The following GALNT13 variants were observed in gnomAD, a reference collection of about 807,000 sequenced individuals.
GALNT13 encodes the protein polypeptide N-acetylgalactosaminyltransferase 13.
A neutral mutation model predicts 64.2 loss-of-function variants in GALNT13; 28 were observed. The ratio of observed to expected loss-of-function variants is 0.44; its 90% CI spans 0.32 to 0.60. The LOEUF is 0.60. Among genes scored for constraint, GALNT13 ranks in the 20% least tolerant of loss-of-function variants. The pLI is 0.05. For missense variants in GALNT13, 577 were observed against 669.8 expected (o/e 0.86, Z 1.53); for synonymous variants, 214 against 224.6 (o/e 0.95, Z 0.42).
chr2:153,857,182 C>T, the GALNT13 span, among the ~76,000 whole-genome samples: 1 of 152,056 alleles, frequency 6.6e-6, no homozygotes, highest in African/African-American at 2.4e-5. Flanking sequence ...TGATCGATGT[C>T]AACTTGGTAA....
intron 4 of GALNT13, among the ~76,000 whole-genome samples, chr2:154,197,948 A>T (rs1164770995): frequency 8.6e-6 from 1 of 115,730 alleles, no homozygotes; most frequent in Non-Finnish European, 1.8e-5. Context: ...ATGCAACTAA[A>T]AACCGTAATA....
At chr2:154,074,365 C>A (rs1238599648) in intron 3 of GALNT13, among the ~76,000 whole-genome samples, 1 of 151,894 alleles carries the variant, frequency 6.6e-6, no homozygotes, top group Non-Finnish European at 1.5e-5. Context: ...TACAAGGACT[C>A]ATTTTCAAGT....
At chr2:153,162,957 C>G in the GALNT13 span, among the ~76,000 whole-genome samples, 175 of 152,224 alleles carry the variant, frequency 1.1e-3, 1 homozygote, top group Non-Finnish European at 2.2e-3. Flanking sequence ...GGGCCTCTCT[C>G]AAGTCGATTG....
the GALNT13 span, among the ~76,000 whole-genome samples, chr2:153,068,396 G>A: frequency 2.0e-3 from 306 of 152,296 alleles, no homozygotes; most frequent in African/African-American, 6.1e-3. Context: ...TTGCTTTGCA[G>A]TTTTGTTCTG....
intron 11 of GALNT13, among the ~76,000 whole-genome samples, chr2:154,409,741 G>A (rs993595892): frequency 2.6e-5 from 4 of 151,922 alleles, no homozygotes; most frequent in African/African-American, 9.7e-5. Context: ...AGAGTTTGAG[G>A]TAGCTAATCC....
At chr2:153,805,477 G>A in the GALNT13 span, among the ~76,000 whole-genome samples, 2 of 151,994 alleles carry the variant, frequency 1.3e-5, no homozygotes, top group African/African-American at 4.8e-5. Flanking sequence ...CTTTTCTGAA[G>A]AATCTACTAA....
chr2:154,408,852 T>A (rs1699667528), intron 10 of GALNT13, 132 bp from the exon 11 acceptor site: 1 of 644,446 alleles, frequency 1.6e-6, no homozygotes. Context: ...AGTAATATGT[T>A]TTTCTTGGAG....
At position 154,056,818 on chromosome 2, in the gene GALNT13, ACAGT is replaced by A. The variant is rs536721805; in HGVS notation, c.143-83516_143-83513del. On this transcript the variant is annotated intron_variant, in intron 3 of 12. Coordinates refer to ENST00000392825, the MANE Select transcript of GALNT13 (RefSeq NM_052917.4). ...TTACATATTTATGGACATTTTGGAA[ACAGT>A]CAATTACCTACTTGTAATAAAATAT... Among the ~76,000 whole-genome samples the A allele has an allele frequency of 1.9e-3, 296 of 152,168 alleles. 1 individual carries two copies. Among genetic ancestry groups the A allele is most frequent in the Non-Finnish European group, 3.0e-3 (206 of 67,970 alleles).
chr2:154,421,449 G>A (rs993929050), intron 11 of GALNT13, among the ~76,000 whole-genome samples: 20 of 151,918 alleles, frequency 1.3e-4, no homozygotes, highest in African/African-American at 4.8e-4. Context: ...TACAAATATA[G>A]ACGTAGTAGT....
chr2:153,652,242 A>G, the GALNT13 span, among the ~76,000 whole-genome samples: 3 of 152,188 alleles, frequency 2.0e-5, no homozygotes, highest in Non-Finnish European at 4.4e-5. Flanking sequence ...CATTCAGATA[A>G]TATTTGAACC....
chr2:153,079,856 A>G, the GALNT13 span, among the ~76,000 whole-genome samples: 2 of 152,184 alleles, frequency 1.3e-5, no homozygotes, highest in Non-Finnish European at 2.9e-5. Context: ...GCGCTGCGCT[A>G]TGGGCAAGGT....
At chr2:153,788,607 A>G in the GALNT13 span, among the ~76,000 whole-genome samples, 1 of 152,304 alleles carries the variant, frequency 6.6e-6, no homozygotes, top group South Asian at 2.1e-4. Flanking sequence ...ATCAATATTA[A>G]CCTTTAATGT....
intron 8 of GALNT13, among the ~76,000 whole-genome samples, chr2:154,276,534 T>C (rs1691662175): frequency 2.0e-5 from 3 of 152,198 alleles, no homozygotes. Flanking sequence ...CCAGGCCCTG[T>C]CAGACTGTGA....
intron 9 of GALNT13, among the ~76,000 whole-genome samples, chr2:154,306,727 T>G (rs1208437578): frequency 1.3e-5 from 2 of 151,640 alleles, no homozygotes; most frequent in African/African-American, 4.8e-5. Context: ...ATCACAGAAC[T>G]GGTTGAGCCA....
At chr2:153,176,770 TA>T in the GALNT13 span, among the ~76,000 whole-genome samples, 67,876 of 139,448 alleles carry the variant, frequency 0.49, 16,681 homozygotes, top group East Asian at 0.7. Flanking sequence ...TGCCTGAGTT[TA>T]AAAAAAAAAA....
the GALNT13 span, among the ~76,000 whole-genome samples, chr2:153,595,547 C>A: frequency 6.6e-6 from 1 of 151,576 alleles, no homozygotes; most frequent in African/African-American, 2.4e-5. Flanking sequence ...CCATTAAATT[C>A]TAATTAAAAT....
At chr2:154,312,092 G>A (rs1013277974) in intron 9 of GALNT13, among the ~76,000 whole-genome samples, 1 of 152,154 alleles carries the variant, frequency 6.6e-6, no homozygotes, top group African/African-American at 2.4e-5. Context: ...AGAGATTAAA[G>A]CAAAGACAGG....
At chr2:153,542,894 A>C in the GALNT13 span, among the ~76,000 whole-genome samples, 2 of 152,232 alleles carry the variant, frequency 1.3e-5, no homozygotes. Flanking sequence ...TCTCATCAAT[A>C]AAAGTACACA....
At chr2:153,635,687 T>C in the GALNT13 span, among the ~76,000 whole-genome samples, 1 of 152,034 alleles carries the variant, frequency 6.6e-6, no homozygotes, top group East Asian at 1.9e-4. Flanking sequence ...GTCAGGTGGC[T>C]CTGTGTCCAC....
Sources: gnomAD v4.1 joint callset for allele counts (sites outside exome capture counted in the v4.1 genomes callset) on GRCh38, gnomAD v4.1.1 for gene constraint, MANE v1.5 for transcripts, NCBI Gene and HGNC (gene_info 2026-07-23, HGNC 2026-07-21) for gene names.